The following NCKAP5 variants were observed in gnomAD, a reference collection of about 807,000 sequenced individuals.
NCKAP5 encodes the protein NCK associated protein 5, also known as nck-associated protein 5.
A neutral mutation model predicts 167.0 loss-of-function variants in NCKAP5; 92 were observed. That is an observed-to-expected ratio of 0.55 (90% confidence interval 0.47 to 0.66). NCKAP5 has a LOEUF of 0.66. NCKAP5 is among the 30% of genes least tolerant of loss of function. The probability of loss-of-function intolerance (pLI) is 0.00; values close to 1 mark genes in which losing one functional copy is unlikely to be tolerated. For missense variants in NCKAP5, 2,378 were observed against 2,315.0 expected (o/e 1.03, Z -0.56); for synonymous variants, 891 against 877.4 (o/e 1.02, Z -0.27).
chr2:133,575,996 T>A, the NCKAP5 span, among the ~76,000 whole-genome samples: 1 of 152,242 alleles, frequency 6.6e-6, no homozygotes, highest in Non-Finnish European at 1.5e-5. Flanking sequence ...CCCTCCATGC[T>A]AGCATGGTGC....
chr2:133,290,728 C>CTTTTTTTTTTTTTTTTTTTTTTTT (rs58758295), intron 4 of NCKAP5, among the ~76,000 whole-genome samples: 35 of 89,340 alleles, frequency 3.9e-4, no homozygotes, highest in South Asian at 4.4e-4. Flanking sequence ...AGAATTTCTC[C>CTTTTTTTTTTTTTTTTTTTTTTTT]TTTTTTTTTT....
chr2:133,589,796 G>A, the NCKAP5 span, among the ~76,000 whole-genome samples: 3 of 152,176 alleles, frequency 2.0e-5, no homozygotes, highest in Non-Finnish European at 4.4e-5. Flanking sequence ...ACAGCCTACG[G>A]GTGCCAGGCA....
intron 4 of NCKAP5, among the ~76,000 whole-genome samples, chr2:133,249,619 A>G (rs993272003): frequency 6.6e-6 from 1 of 152,180 alleles, no homozygotes; most frequent in Non-Finnish European, 1.5e-5. Flanking sequence ...TCCTCCTTCA[A>G]AGTAACTGTT....
intron 8 of NCKAP5, among the ~76,000 whole-genome samples, chr2:132,959,147 T>C (rs2149184990): frequency 6.6e-6 from 1 of 150,480 alleles, no homozygotes; most frequent in East Asian, 1.9e-4. Flanking sequence ...TACAGGTAAT[T>C]GTGATGCACA....
chr2:132,746,493 G>C lies in NCKAP5; in HGVS notation c.5129-14442C>G, dbSNP rs184107149. On this transcript the variant is annotated intron_variant, in intron 16 of 19. Coordinates refer to ENST00000409261, the MANE Select transcript of NCKAP5 (RefSeq NM_207363.3). ...GGATTAGGCATCAATTTCTTAAATA[G>C]AGCAAGAAAACATGAACCATAAAAT... Among the ~76,000 whole-genome samples the C allele has an allele frequency of 1.3e-3, 203 of 152,094 alleles. 1 individual carries two copies. The highest frequency in any genetic ancestry group is 4.6e-3 in the African/African-American group (189 of 41,486).
chr2:133,239,381 C>T (rs1160818614), intron 4 of NCKAP5, among the ~76,000 whole-genome samples: 1 of 152,120 alleles, frequency 6.6e-6, no homozygotes, highest in African/African-American at 2.4e-5. Context: ...GAGCATGAAA[C>T]AAGCAGTTAT....
At chr2:133,475,999 G>A (rs1164808707) in intron 3 of NCKAP5, among the ~76,000 whole-genome samples, 1 of 152,020 alleles carries the variant, frequency 6.6e-6, no homozygotes, top group African/African-American at 2.4e-5. Context: ...AATCAGTTCT[G>A]TACTGTGCCA....
intron 6 of NCKAP5, among the ~76,000 whole-genome samples, chr2:133,112,065 G>A (rs2081931692): frequency 6.6e-6 from 1 of 152,164 alleles, no homozygotes; most frequent in Non-Finnish European, 1.5e-5. Context: ...GGTAGACCAA[G>A]GGCAGTGCAA....
At chr2:132,691,410 T>A (rs1056109459) in intron 19 of NCKAP5, among the ~76,000 whole-genome samples, 5 of 152,120 alleles carry the variant, frequency 3.3e-5, no homozygotes, top group African/African-American at 1.2e-4. Flanking sequence ...TAGATTCTTC[T>A]CCACACTATT....
At chr2:133,344,499 G>A (rs1192897778) in intron 3 of NCKAP5, among the ~76,000 whole-genome samples, 10 of 151,968 alleles carry the variant, frequency 6.6e-5, no homozygotes, top group African/African-American at 2.2e-4. Context: ...ACCGAGCACA[G>A]AGGAAGCACT....
intron 6 of NCKAP5, among the ~76,000 whole-genome samples, chr2:133,092,870 G>C (rs756733463): frequency 6.6e-6 from 1 of 152,314 alleles, no homozygotes; most frequent in Non-Finnish European, 1.5e-5. Context: ...ATCAGAATTA[G>C]AGGAATATAG....
chr2:133,337,965 G>C (rs533597633), intron 3 of NCKAP5, among the ~76,000 whole-genome samples: 2 of 152,184 alleles, frequency 1.3e-5, no homozygotes, highest in South Asian at 4.1e-4. Context: ...TATAATATGG[G>C]CTATACTCAG....
At chr2:133,388,514 T>C (rs1021986605) in intron 3 of NCKAP5, among the ~76,000 whole-genome samples, 4 of 152,180 alleles carry the variant, frequency 2.6e-5, no homozygotes, top group African/African-American at 9.7e-5. Context: ...AGTCTGTCCG[T>C]TCTCAGATCT....
chr2:133,257,049 T>C (rs2088654358), intron 4 of NCKAP5, among the ~76,000 whole-genome samples: 1 of 152,196 alleles, frequency 6.6e-6, no homozygotes, highest in African/African-American at 2.4e-5. Context: ...TTATCTAATG[T>C]AGACAGCCAA....
Position 132,897,945 on chromosome 2 carries a change from G to C in NCKAP5, c.580-19029C>G, listed in dbSNP as rs534274261. On this transcript the variant is annotated intron_variant, in intron 8 of 19. Coordinates refer to ENST00000409261, the MANE Select transcript of NCKAP5 (RefSeq NM_207363.3). ...TAGGGTGGTAGCTACTTACGGCTGG[G>C]GTGGCTATCGTAATTCCTTAAAACA... is the stretch of plus-strand genomic sequence containing the variant. 1.3e-4 allele frequency among the ~76,000 whole-genome samples: 20 copies of C among 152,260 alleles called. No homozygotes were observed. The South Asian group carries it at 3.1e-3, about 24-fold the overall frequency.
chr2:133,671,012 G>A, the NCKAP5 span, among the ~76,000 whole-genome samples: 4 of 151,816 alleles, frequency 2.6e-5, no homozygotes, highest in Admixed American at 1.3e-4. Flanking sequence ...TCAGGAGATC[G>A]ACACCGTCCT....
intron 11 of NCKAP5, among the ~76,000 whole-genome samples, chr2:132,848,914 G>T (rs1688876001): frequency 6.6e-6 from 1 of 152,082 alleles, no homozygotes; most frequent in Non-Finnish European, 1.5e-5. Flanking sequence ...TTTGCACTTT[G>T]AATTTACAAA....
At chr2:133,363,264 C>A (rs1685242374) in intron 3 of NCKAP5, among the ~76,000 whole-genome samples, 1 of 152,120 alleles carries the variant, frequency 6.6e-6, no homozygotes, top group South Asian at 2.1e-4. Context: ...TCGGTGGTCC[C>A]ACAAATCTAA....
chr2:133,491,352 A>G (rs915834332), intron 3 of NCKAP5, among the ~76,000 whole-genome samples: 5 of 152,162 alleles, frequency 3.3e-5, no homozygotes, highest in African/African-American at 9.7e-5. Context: ...AGCTACTTCT[A>G]ATAAGGTGGT....
Sources: allele counts gnomAD v4.1 joint callset (sites outside exome capture counted in the v4.1 genomes callset), GRCh38; gene constraint gnomAD v4.1.1; transcripts MANE v1.5; gene names NCBI Gene and HGNC (gene_info 2026-07-23, HGNC 2026-07-21).